P2RY14: variants seen among roughly 807,000 people sequenced by gnomAD.
P2RY14 encodes purinergic receptor P2Y14, also known as P2Y purinoceptor 14.
A neutral mutation model predicts 0.9 loss-of-function variants in P2RY14; 2 were observed. The ratio of observed to expected loss-of-function variants is 2.16; its 90% CI spans 0.88 to 6.79. The LOEUF is 6.79. Ranked by LOEUF, P2RY14 falls within the 30% of genes most tolerant of loss-of-function variation. P2RY14 has a pLI of 0.05. For synonymous variants in P2RY14, 158 were observed against 147.2 expected (o/e 1.07, Z -0.53); for missense variants, 378 against 400.1 (o/e 0.94, Z 0.47).
chr3:151,252,697 C>A (rs1004325901), intron 1 of P2RY14, among the ~76,000 whole-genome samples: 1 of 152,066 alleles, frequency 6.6e-6, no homozygotes, highest in Non-Finnish European at 1.5e-5. Flanking sequence ...GCTTATGATG[C>A]ATGCAAATAG....
chr3:151,242,423 A>T (rs1462184749), intron 1 of P2RY14, among the ~76,000 whole-genome samples: 3 of 152,202 alleles, frequency 2.0e-5, no homozygotes, highest in Non-Finnish European at 2.9e-5. Context: ...GCAGCTGGAG[A>T]TCTGAGAACC....
chr3:151,269,910 A>T, intron 1 of P2RY14: 1 of 456,428 alleles, frequency 2.2e-6, no homozygotes, highest in Admixed American at 2.4e-5. Context: ...GACCGTTCTG[A>T]TGCAGGTGTT....
intron 1 of P2RY14, among the ~76,000 whole-genome samples, chr3:151,221,486 G>A (rs1729343975): frequency 6.6e-6 from 1 of 152,180 alleles, no homozygotes; most frequent in African/African-American, 2.4e-5. Context: ...TGGTTTCGTG[G>A]GCCCAGCCCA....
intron 2 of P2RY14, 145 bp downstream of exon 2, chr3:151,219,390 C>G (rs529570108): frequency 6.0e-4 from 91 of 152,232 alleles, no homozygotes; most frequent in African/African-American, 2.1e-3. Flanking sequence ...TATACCATGA[C>G]CTATTTTCCT....
chr3:151,234,375 T>C (rs1436644570), intron 1 of P2RY14, among the ~76,000 whole-genome samples: 1 of 152,250 alleles, frequency 6.6e-6, no homozygotes, highest in Non-Finnish European at 1.5e-5. Context: ...GTCTAGGTAT[T>C]GCAAATAGTT....
intron 1 of P2RY14, among the ~76,000 whole-genome samples, chr3:151,251,640 C>T (rs1736881424): frequency 6.6e-6 from 1 of 152,162 alleles, no homozygotes; most frequent in South Asian, 2.1e-4. Flanking sequence ...CCACTATTTG[C>T]CTTGGTCTGT....
chr3:151,221,591 G>A (rs1729368031), intron 1 of P2RY14, among the ~76,000 whole-genome samples: 1 of 152,226 alleles, frequency 6.6e-6, no homozygotes, highest in Non-Finnish European at 1.5e-5. Flanking sequence ...CTCAGGTCAT[G>A]GCTTCAGAGG....
chr3:151,222,874 G>C (rs1044003378), intron 1 of P2RY14, among the ~76,000 whole-genome samples: 2 of 152,114 alleles, frequency 1.3e-5, no homozygotes, highest in Non-Finnish European at 2.9e-5. Context: ...TATATTCCAA[G>C]TAGGCCTGAA....
intron 1 of P2RY14, among the ~76,000 whole-genome samples, chr3:151,237,969 A>G (rs1054306285): frequency 5.9e-5 from 9 of 152,120 alleles, no homozygotes; most frequent in African/African-American, 2.2e-4. Flanking sequence ...TCTACTATAA[A>G]TAGGCTTTCT....
intron 1 of P2RY14, among the ~76,000 whole-genome samples, chr3:151,227,947 G>A (rs1234043843): frequency 2.0e-5 from 3 of 152,102 alleles, no homozygotes; most frequent in Non-Finnish European, 4.4e-5. Flanking sequence ...AACCAGCCAC[G>A]TCCCCACACA....
At chr3:151,251,428 A>C (rs887001262) in intron 1 of P2RY14, among the ~76,000 whole-genome samples, 5 of 151,800 alleles carry the variant, frequency 3.3e-5, no homozygotes, top group Non-Finnish European at 7.4e-5. Context: ...ATTCCCACCA[A>C]ACCTCAGGTC....
At chr3:151,271,393 G>A (rs77924614) in intron 1 of P2RY14, among the ~76,000 whole-genome samples, 1 of 152,170 alleles carries the variant, frequency 6.6e-6, no homozygotes, top group African/African-American at 2.4e-5. Context: ...TGATACTTTG[G>A]TATATTTTTG....
intron 1 of P2RY14, among the ~76,000 whole-genome samples, chr3:151,232,259 A>G (rs1220460727): frequency 3.3e-5 from 5 of 152,236 alleles, no homozygotes; most frequent in Non-Finnish European, 7.3e-5. Context: ...CTCTTTGAGC[A>G]ATCACAGTGT....
Position 151,213,782 on chromosome 3 carries a change from G to T in P2RY14, c.535C>A (p.Leu179Met), listed in dbSNP as rs1247304876. 6.2e-7 allele frequency: 1 copy of T among 1,614,152 alleles called. No individual in the cohort carries two copies. Among genetic ancestry groups the T allele is most frequent in the Non-Finnish European group, 8.5e-7 (1 of 1,180,022 alleles). The change falls in exon 3 of 3, where the codon CTG becomes ATG. Residue 179 changes from leucine to methionine, a missense_variant. Physicochemically the swap from Leu to Met is conservative, Grantham distance 15 (BLOSUM62 2). Transcript: ENST00000309170. ...QIKCIELKSE[L>M]GRKWHKASNY... ...GATGCTTTGTGCCACTTCCGTCCCA[G>T]TTCACTTTTCAGTTCTATACATTTT...
intron 1 of P2RY14, among the ~76,000 whole-genome samples, chr3:151,246,616 C>A (rs925936632): frequency 5.3e-5 from 8 of 152,040 alleles, no homozygotes; most frequent in African/African-American, 1.9e-4. Flanking sequence ...ATACAAAAAT[C>A]AATTCAAGAT....
intron 1 of P2RY14, among the ~76,000 whole-genome samples, chr3:151,223,242 G>T (rs1178509266): frequency 6.6e-6 from 1 of 150,874 alleles, no homozygotes; most frequent in Non-Finnish European, 1.5e-5. Flanking sequence ...TACTCTTGTG[G>T]GATTGTAAAT....
intron 1 of P2RY14, among the ~76,000 whole-genome samples, chr3:151,251,076 T>C (rs1371204142): frequency 6.6e-6 from 1 of 152,358 alleles, no homozygotes; most frequent in African/African-American, 2.4e-5. Flanking sequence ...GTTCCCTCCA[T>C]GATTAAGGGC....
At chr3:151,264,372 T>C (rs1739447841) in intron 1 of P2RY14, among the ~76,000 whole-genome samples, 1 of 152,354 alleles carries the variant, frequency 6.6e-6, no homozygotes. Flanking sequence ...ACTGAACTCT[T>C]CTCACGAGGG....
intron 1 of P2RY14, among the ~76,000 whole-genome samples, chr3:151,251,415 G>A (rs1244170449): frequency 6.6e-6 from 1 of 151,838 alleles, no homozygotes; most frequent in East Asian, 1.9e-4. Context: ...TTTCTTGACT[G>A]TTATTCCCAC....
Sources: allele counts gnomAD v4.1 joint callset (sites outside exome capture counted in the v4.1 genomes callset), GRCh38; gene constraint gnomAD v4.1.1; transcripts MANE v1.5; gene names NCBI Gene and HGNC (gene_info 2026-07-23, HGNC 2026-07-21).